Variants in ZMIZ1 observed in about 807,000 individuals in gnomAD.
ZMIZ1 encodes zinc finger MIZ-type containing 1, also known as zinc finger MIZ domain-containing protein 1.
A neutral mutation model predicts 113.9 loss-of-function variants in ZMIZ1; 17 were observed. The ratio of observed to expected loss-of-function variants is 0.15; its 90% CI spans 0.10 to 0.22. The LOEUF (loss-of-function observed/expected upper bound fraction) is 0.22. Ranked by LOEUF, ZMIZ1 falls within the 10% of genes least tolerant of loss-of-function variation. The pLI is 1.00. For synonymous variants in ZMIZ1, 607 were observed against 603.1 expected, an observed-to-expected ratio of 1.01 and a Z score of -0.09; for missense variants, 1,059 against 1,477.8, an observed-to-expected ratio of 0.72 and a Z score of 4.65.
intron 1 of ZMIZ1, among the ~76,000 whole-genome samples, chr10:79,097,906 CT>C (rs986604826): frequency 2.6e-5 from 4 of 152,198 alleles, no homozygotes; most frequent in African/African-American, 9.7e-5. Context: ...TTCTGTGCAG[CT>C]TCATTACCAG....
chr10:79,082,253 C>T (rs942694049), intron 1 of ZMIZ1, among the ~76,000 whole-genome samples: 5 of 152,268 alleles, frequency 3.3e-5, no homozygotes, highest in African/African-American at 9.6e-5. Context: ...ACAGCTGGCT[C>T]CTCCAGCCTG....
At chr10:79,084,829 A>G (rs1842759498) in intron 1 of ZMIZ1, among the ~76,000 whole-genome samples, 1 of 134,306 alleles carries the variant, frequency 7.4e-6, no homozygotes, top group Non-Finnish European at 1.6e-5. Flanking sequence ...TGTGACTTGC[A>G]GAGGCACAAA....
chr10:79,292,858 C>A, intron 11 of ZMIZ1: 2 of 462,914 alleles, frequency 4.3e-6, no homozygotes, highest in South Asian at 3.1e-5. Context: ...GAATGCAGAA[C>A]AGGAGGTGAG....
intron 1 of ZMIZ1, among the ~76,000 whole-genome samples, chr10:79,079,988 C>T (rs1842604005): frequency 1.3e-5 from 2 of 152,196 alleles, no homozygotes; most frequent in African/African-American, 4.8e-5. Flanking sequence ...TCAGATTGCC[C>T]GGCTGGTGTA....
In ZMIZ1 at chr10:79,180,130, G is replaced by A. The variant is rs577087193; in HGVS notation, c.-50+17997G>A. ...GAACAAGGGAAGAGGGGATGGAAGG[G>A]AGCCAGGAGGGGGCATGGCCTGCTC... is the stretch of plus-strand genomic sequence containing the variant. On this transcript the variant is annotated intron_variant, in intron 4 of 24. Coordinates refer to ENST00000334512, the MANE Select transcript of ZMIZ1 (RefSeq NM_020338.4). Among the ~76,000 whole-genome samples the A allele has an allele frequency of 4.7e-4, 71 of 152,346 alleles. 1 individual carries two copies. Among genetic ancestry groups the A allele is most frequent in the South Asian group, 2.1e-3 (10 of 4,832 alleles).
At chr10:79,289,464 G>A (rs1383612697) in intron 8 of ZMIZ1, among the ~76,000 whole-genome samples, 1 of 152,172 alleles carries the variant, frequency 6.6e-6, no homozygotes, top group Non-Finnish European at 1.5e-5. Context: ...GCTCAGATTG[G>A]GCCTCAGGTC....
rs1341135419 is a variant in ZMIZ1 at position 79,306,316 on chromosome 10, C to T, written c.2640C>T (p.Gly880=). ...SPYPLPPPPG[G]TNSNDYSSQG... ...ATCCCCTCCCGCCTCCCCCAGGGGGCACCAACTCCAACGACTACAGCAGCC... is the reference window on the plus strand; with the variant it reads ...ATCCCCTCCCGCCTCCCCCAGGGGGTACCAACTCCAACGACTACAGCAGCC... The change falls in exon 22 of 25, where the codon GGC becomes GGT. Residue 880 remains glycine (G), a synonymous_variant. Coordinates refer to ENST00000334512, the MANE Select transcript of ZMIZ1 (RefSeq NM_020338.4). 2 of 1,612,068 alleles carry T rather than the reference C, an allele frequency of 1.2e-6. No individual in the cohort carries two copies. The highest frequency in any genetic ancestry group is 1.7e-5 in the Admixed American group (1 of 60,020).
intron 7 of ZMIZ1, among the ~76,000 whole-genome samples, chr10:79,259,013 T>C (rs1455389904): frequency 3.3e-5 from 5 of 152,212 alleles, no homozygotes; most frequent in African/African-American, 1.2e-4. Flanking sequence ...TGTGACGGTC[T>C]AATTTGTAGG....
intron 3 of ZMIZ1, among the ~76,000 whole-genome samples, chr10:79,145,339 C>T (rs904002389): frequency 3.4e-4 from 6 of 17,702 alleles, no homozygotes; most frequent in Admixed American, 1.4e-3. Flanking sequence ...AGCTGCATTC[C>T]GGAGTGCCTG....
At chr10:79,144,368 T>C (rs1316030444) in intron 3 of ZMIZ1, among the ~76,000 whole-genome samples, 1 of 152,226 alleles carries the variant, frequency 6.6e-6, no homozygotes, top group African/African-American at 2.4e-5. Context: ...TGTCTTAGAC[T>C]ATCCAGGCTT....
intron 8 of ZMIZ1, among the ~76,000 whole-genome samples, chr10:79,286,920 AGGAACTT>A (rs1423612273): frequency 6.6e-6 from 1 of 152,196 alleles, no homozygotes; most frequent in East Asian, 1.9e-4. Context: ...CTCAAAGGAT[AGGAACTT>A]CCGTCTCAAG....
intron 4 of ZMIZ1, among the ~76,000 whole-genome samples, chr10:79,177,252 T>G (rs559395791): frequency 6.6e-6 from 1 of 152,198 alleles, no homozygotes; most frequent in East Asian, 1.9e-4. Flanking sequence ...ACAAAAACAG[T>G]GGAAAAGTGA....
intron 7 of ZMIZ1, among the ~76,000 whole-genome samples, chr10:79,239,911 C>T (rs1489018155): frequency 6.6e-6 from 1 of 150,848 alleles, no homozygotes; most frequent in Non-Finnish European, 1.5e-5. Flanking sequence ...CCCAACCCCA[C>T]CCAGTTGGTC....
intron 16 of ZMIZ1, 25 bp downstream of exon 16, chr10:79,299,216 G>T (rs754842008): frequency 1.3e-6 from 2 of 1,587,140 alleles, no homozygotes; most frequent in South Asian, 1.1e-5. Flanking sequence ...AGGGGCGCCA[G>T]CCCAGGCGGG....
intron 5 of ZMIZ1, among the ~76,000 whole-genome samples, chr10:79,202,105 C>T (rs1356663800): frequency 6.0e-5 from 8 of 133,800 alleles, no homozygotes; most frequent in South Asian, 2.5e-4. Context: ...TGGCAGCTTA[C>T]GCCTGTAATC....
chr10:79,099,102 C>A (rs769788406), intron 1 of ZMIZ1, among the ~76,000 whole-genome samples: 2 of 152,188 alleles, frequency 1.3e-5, no homozygotes, highest in African/African-American at 4.8e-5. Flanking sequence ...GCCTGCACCC[C>A]CTCCTCGACA....
Position 79,290,969 on chromosome 10 carries a change from A to G in ZMIZ1, c.551A>G (p.Asn184Ser). The G allele has an allele frequency of 2.5e-6, 4 of 1,613,432 alleles. No homozygotes were observed. The highest frequency in any genetic ancestry group is 4.5e-5 in the East Asian group (2 of 44,850). The change falls in exon 10 of 25, where the codon AAC becomes AGC. Residue 184 changes from asparagine (N) to serine (S), a missense_variant. Transcript: ENST00000334512. The stretch of plus-strand genomic sequence containing the variant: ...CTTCTCTGCCCACAGGTCCTTGGGA[A>G]CCCTATGGCCAATGCCAACAACCCC... ...TNTSQSQVLG[N>S]PMANANNPMN...
chr10:79,151,900 G>C (rs768736449), intron 3 of ZMIZ1, among the ~76,000 whole-genome samples: 85 of 152,200 alleles, frequency 5.6e-4, no homozygotes, highest in Non-Finnish European at 1.0e-3. Flanking sequence ...TGCTGGGCCT[G>C]TGTGTCATCT....
At chr10:79,147,176 G>A (rs1342889937) in intron 3 of ZMIZ1, among the ~76,000 whole-genome samples, 3 of 152,180 alleles carry the variant, frequency 2.0e-5, no homozygotes, top group Non-Finnish European at 4.4e-5. Flanking sequence ...GAGCTCTTGG[G>A]CCTCAGAATC....
Sources: gnomAD v4.1 joint callset for allele counts (sites outside exome capture counted in the v4.1 genomes callset) on GRCh38, gnomAD v4.1.1 for gene constraint, MANE v1.5 for transcripts, NCBI Gene and HGNC (gene_info 2026-07-23, HGNC 2026-07-21) for gene names.